The following PSMF1 variants were observed in gnomAD, a reference collection of about 807,000 sequenced individuals.
PSMF1 encodes proteasome inhibitor PI31 subunit.
PSMF1 carries 30 observed loss-of-function variants against 29.3 expected under a neutral mutation model. That is an observed-to-expected ratio of 1.02 (90% CI 0.77 to 1.39). The LOEUF (loss-of-function observed/expected upper bound fraction) is 1.39, where lower values mean the gene tolerates loss of function less well. Ranked by LOEUF, PSMF1 falls within the 40% of genes most tolerant of loss-of-function variation. The probability of loss-of-function intolerance (pLI) is 0.00; values close to 1 mark genes in which losing one functional copy is unlikely to be tolerated. For missense variants in PSMF1, 344 were observed against 357.5 expected (o/e 0.96, Z 0.31); for synonymous variants, 134 against 139.7 (o/e 0.96, Z 0.29).
At chr20:1,146,932 C>G (rs1364214635) in intron 4 of PSMF1, among the ~76,000 whole-genome samples, 1 of 152,164 alleles carries the variant, frequency 6.6e-6, no homozygotes, top group Non-Finnish European at 1.5e-5. Flanking sequence ...ATTCAGGTAG[C>G]TGGCAAAGAT....
Position 1,164,528 on chromosome 20 carries a change from T to G in PSMF1, c.764+52T>G. The G allele has an allele frequency of 6.2e-7, 1 of 1,601,102 alleles. No individual in the cohort carries two copies. Among genetic ancestry groups the G allele is most frequent in the Non-Finnish European group, 8.5e-7 (1 of 1,169,964 alleles). ...AAGTAGGACCTGATGGCAGCTTGGT[T>G]CAGTGTGGCAGCAATGAAGGTTTCT... On this transcript the variant is annotated intron_variant, in intron 6 of 6. Transcript: ENST00000335877. This position sits in a 1 kb window ranked among gnomAD's most constrained non-coding sequence, Gnocchi z 4.1.
At chr20:1,139,589 C>CA (rs1355815835) in intron 4 of PSMF1, among the ~76,000 whole-genome samples, 1 of 151,758 alleles carries the variant, frequency 6.6e-6, no homozygotes, top group Non-Finnish European at 1.5e-5. Context: ...ACTAAAAATA[C>CA]AAAAAATTAG....
rs191162272 is a variant in PSMF1, at chr20:1,139,548, A to G, written c.551+4242A>G. On this transcript the variant is annotated intron_variant, in intron 4 of 6. Coordinates refer to ENST00000335877, the MANE Select transcript of PSMF1 (RefSeq NM_006814.5). ...CAATGTGGCAGGATATAAAATTGAT[A>G]TCCTGGCTAACACGGTGAAACCCCG... Among the ~76,000 whole-genome samples, 11 of 152,286 alleles carry G rather than the reference A, an allele frequency of 7.2e-5. No individual in the cohort carries two copies. The East Asian group carries it at 1.9e-3, about 27-fold the overall frequency.
chr20:1,133,728 C>G (rs2086267009), intron 3 of PSMF1, among the ~76,000 whole-genome samples: 2 of 150,782 alleles, frequency 1.3e-5, no homozygotes, highest in South Asian at 4.2e-4. Context: ...AGAATTCTTC[C>G]TGAAATCATC....
At chr20:1,113,619 C>A (rs1165150784), upstream of PSMF1, among the ~76,000 whole-genome samples, 4 of 152,292 alleles carry the variant, frequency 2.6e-5, no homozygotes, top group East Asian at 5.8e-4. Context: ...TCACCTCATT[C>A]TTTCAATACA....
At chr20:1,136,368 A>C (rs2086306680) in intron 4 of PSMF1, among the ~76,000 whole-genome samples, 1 of 152,234 alleles carries the variant, frequency 6.6e-6, no homozygotes, top group African/African-American at 2.4e-5. Context: ...ATGTGATCTA[A>C]CCACCTTTCC....
intron 1 of PSMF1, among the ~76,000 whole-genome samples, chr20:1,123,597 G>C (rs942730457): frequency 3.3e-5 from 5 of 151,944 alleles, no homozygotes; most frequent in South Asian, 2.1e-4. Flanking sequence ...CTGCTATATA[G>C]TATTCCACTA....
At chr20:1,119,088 C>T (rs1418508042) in intron 1 of PSMF1, among the ~76,000 whole-genome samples, 186 bp downstream of exon 1, 24 of 152,214 alleles carry the variant, frequency 1.6e-4, no homozygotes. Flanking sequence ...GCCCAGAGTC[C>T]CTCACGGCAC....
chr20:1,139,121 C>T (rs1232711467), intron 4 of PSMF1, among the ~76,000 whole-genome samples: 4 of 150,978 alleles, frequency 2.6e-5, no homozygotes, highest in Non-Finnish European at 4.4e-5. Context: ...TGCAGTGAGC[C>T]GAGATCACGC....
intron 1 of PSMF1, among the ~76,000 whole-genome samples, chr20:1,121,456 G>T (rs1035075151): frequency 1.3e-5 from 2 of 152,036 alleles, no homozygotes; most frequent in South Asian, 4.1e-4. Flanking sequence ...TGTCGCTTCT[G>T]CTGAGTCTAC....
chr20:1,164,256 C>A lies in PSMF1; in HGVS notation c.606-62C>A. ...ATTCTTGGTGCATTGTAACCTCCCT[C>A]GCCTTTTCTCCAAGGGCAGTCCTTG... On this transcript the variant is annotated intron_variant, in intron 5 of 6. Coordinates refer to ENST00000335877, the MANE Select transcript of PSMF1 (RefSeq NM_006814.5). The surrounding 1 kb of genome is among the most constrained non-coding windows in gnomAD (Gnocchi z 4.1). 1 of 1,500,696 alleles carries A rather than the reference C, an allele frequency of 6.7e-7. No individual in the cohort carries two copies. Among genetic ancestry groups the A allele is most frequent in the Non-Finnish European group, 9.3e-7 (1 of 1,077,876 alleles). 93.0% of individuals were successfully genotyped at this position (1,500,696 alleles called of 1,614,324 possible).
At chr20:1,151,577 A>T (rs1405040997) in intron 4 of PSMF1, among the ~76,000 whole-genome samples, 1 of 152,174 alleles carries the variant, frequency 6.6e-6, no homozygotes, top group Non-Finnish European at 1.5e-5. Context: ...AAATCAATCT[A>T]AGTGTCCATC....
chr20:1,163,899 G>A lies in PSMF1; in HGVS notation c.606-419G>A, dbSNP rs932767814. Among the ~76,000 whole-genome samples the A allele has an allele frequency of 4.6e-5, 7 of 152,144 alleles. No individual in the cohort carries two copies. The highest frequency in any genetic ancestry group is 1.4e-4 in the African/African-American group (6 of 41,426). ...GAAAGAGAAAAAAAACCAACATCAC[G>A]AATTACCTCAATGCTATAATTAGTC... On this transcript the variant is annotated intron_variant, in intron 5 of 6. Transcript: ENST00000335877. This position sits in a 1 kb window ranked among gnomAD's most constrained non-coding sequence, Gnocchi z 6.1.
intron 4 of PSMF1, among the ~76,000 whole-genome samples, chr20:1,148,627 C>T (rs2086486747): frequency 6.6e-6 from 1 of 152,064 alleles, no homozygotes; most frequent in African/African-American, 2.4e-5. Context: ...TACTAAAGTG[C>T]CAAACATAAC....
chr20:1,134,743 CTT>C, intron 3 of PSMF1: 1 of 326,022 alleles, frequency 3.1e-6, no homozygotes, highest in South Asian at 2.6e-5. Context: ...CCCATGGAGC[CTT>C]TGCCTTCCAT....
chr20:1,159,906 C>G (rs919800725), intron 4 of PSMF1, among the ~76,000 whole-genome samples: 3 of 152,166 alleles, frequency 2.0e-5, no homozygotes, highest in African/African-American at 7.2e-5. Context: ...TTAATGGCTT[C>G]TTACCTGTAA....
chr20:1,121,694 T>A (rs1307885771), intron 1 of PSMF1, among the ~76,000 whole-genome samples: 2 of 152,286 alleles, frequency 1.3e-5, no homozygotes, highest in Admixed American at 1.3e-4. Context: ...AAGTTGACAG[T>A]TAAATGGAAA....
chr20:1,135,337 T>C, intron 4 of PSMF1, 31 bp downstream of exon 4: 1 of 1,578,922 alleles, frequency 6.3e-7, no homozygotes, highest in Non-Finnish European at 8.6e-7. Context: ...GGGAAGCCCA[T>C]GCTTCTGTAG....
chr20:1,133,569 A>ATTTTTTTTT (rs1217034678), intron 3 of PSMF1, among the ~76,000 whole-genome samples: 1 of 53,288 alleles, frequency 1.9e-5, no homozygotes, highest in African/African-American at 5.6e-5. Flanking sequence ...ATATATATAT[A>ATTTTTTTTT]TTTTTTTTTT....
Sources: allele counts gnomAD v4.1 joint callset (sites outside exome capture counted in the v4.1 genomes callset), GRCh38; gene constraint gnomAD v4.1.1; non-coding constraint Gnocchi (gnomAD v3.1); transcripts MANE v1.5; gene names NCBI Gene and HGNC (gene_info 2026-07-23, HGNC 2026-07-21).